Variants in TGFBR2 observed in about 807,000 individuals in gnomAD.
The protein encoded by TGFBR2 is transforming growth factor beta receptor 2.
Under a neutral mutation model 49.0 loss-of-function variants are expected in TGFBR2, and 18 were observed. That is an observed-to-expected ratio of 0.37 (90% CI 0.25 to 0.54). The LOEUF (loss-of-function observed/expected upper bound fraction) is 0.54. Among genes scored for constraint, TGFBR2 ranks in the 20% least tolerant of loss-of-function variants. The probability of loss-of-function intolerance (pLI) is 0.85; values close to 1 mark genes in which losing one functional copy is unlikely to be tolerated. For missense variants in TGFBR2, 525 were observed against 722.6 expected (o/e 0.73, Z 3.13); for synonymous variants, 282 against 275.9 (o/e 1.02, Z -0.22).
At chr3:30,636,931 T>G (rs1205474038) in intron 1 of TGFBR2, among the ~76,000 whole-genome samples, 2 of 151,706 alleles carry the variant, frequency 1.3e-5, no homozygotes, top group Non-Finnish European at 2.9e-5. Flanking sequence ...AAGCGTGGTG[T>G]TGGGCACCTG....
intron 1 of TGFBR2, among the ~76,000 whole-genome samples, chr3:30,643,072 G>T (rs961103529): frequency 3.9e-5 from 6 of 152,144 alleles, no homozygotes; most frequent in Non-Finnish European, 8.8e-5. Flanking sequence ...GGAAACAGGT[G>T]CTATGCCCAA....
intron 1 of TGFBR2, among the ~76,000 whole-genome samples, chr3:30,617,759 C>T (rs78788495): frequency 0.019 from 2,917 of 152,198 alleles, 88 homozygotes; most frequent in African/African-American, 0.066. Flanking sequence ...AATACCTTGC[C>T]GCTTACAGGA....
chr3:30,648,153 G>T (rs1698803324), intron 2 of TGFBR2, among the ~76,000 whole-genome samples: 2 of 152,156 alleles, frequency 1.3e-5, no homozygotes, highest in Non-Finnish European at 2.9e-5. Flanking sequence ...GTGCCTGGCT[G>T]TTACAGGAGT....
chr3:30,643,565 C>T (rs1232345536), intron 1 of TGFBR2, among the ~76,000 whole-genome samples: 1 of 152,196 alleles, frequency 6.6e-6, no homozygotes, highest in Non-Finnish European at 1.5e-5. Flanking sequence ...TCACATTCCT[C>T]TCTAATCTGA....
chr3:30,634,023 A>G (rs1698484081), intron 1 of TGFBR2, among the ~76,000 whole-genome samples: 2 of 152,164 alleles, frequency 1.3e-5, no homozygotes, highest in Non-Finnish European at 2.9e-5. Flanking sequence ...TTTGACCAAT[A>G]TTTTCACATG....
chr3:30,619,909 C>T (rs1698196140), intron 1 of TGFBR2, among the ~76,000 whole-genome samples: 1 of 152,068 alleles, frequency 6.6e-6, no homozygotes, highest in Non-Finnish European at 1.5e-5. Context: ...TTTTACTAGC[C>T]AGGCGTGGTG....
chr3:30,651,654 A>G (rs1698889284), intron 3 of TGFBR2, among the ~76,000 whole-genome samples: 1 of 152,232 alleles, frequency 6.6e-6, no homozygotes, highest in Non-Finnish European at 1.5e-5. Context: ...GCTACATTGA[A>G]TATCTTTGTA....
intron 5 of TGFBR2, among the ~76,000 whole-genome samples, chr3:30,680,997 C>G (rs552422709): frequency 6.6e-6 from 1 of 151,986 alleles, no homozygotes; most frequent in Non-Finnish European, 1.5e-5. Context: ...TCATCCCCAG[C>G]CAAACTGGCC....
At chr3:30,677,459 A>G (rs150770229) in intron 5 of TGFBR2, among the ~76,000 whole-genome samples, 61 of 152,308 alleles carry the variant, frequency 4.0e-4, no homozygotes, top group African/African-American at 1.4e-3. Context: ...GGCTGCAGAC[A>G]CCAAGGTTAT....
At chr3:30,666,555 C>T (rs1347935694) in intron 3 of TGFBR2, among the ~76,000 whole-genome samples, 2 of 152,026 alleles carry the variant, frequency 1.3e-5, no homozygotes, top group Non-Finnish European at 2.9e-5. Context: ...TCACTTAGTC[C>T]AGGCTACACT....
intron 1 of TGFBR2, among the ~76,000 whole-genome samples, chr3:30,615,401 C>T (rs1188904977): frequency 6.6e-6 from 1 of 152,124 alleles, no homozygotes; most frequent in Non-Finnish European, 1.5e-5. Flanking sequence ...TAAAAGAAAC[C>T]TGATAAAAGT....
chr3:30,630,084 A>C lies in TGFBR2; in HGVS notation c.95-14663A>C, dbSNP rs553426846. ...CATTTTTACACTGGACATCACAAGA[A>C]ATTGAGCGAGTTCACAACTCCACTG... is the stretch of plus-strand genomic sequence containing the variant. On this transcript the variant is annotated intron_variant, in intron 1 of 6. Coordinates refer to ENST00000295754, the MANE Select transcript of TGFBR2 (RefSeq NM_003242.6). 3.9e-5 allele frequency among the ~76,000 whole-genome samples: 6 copies of C among 152,316 alleles called. No homozygotes were observed. In the South Asian group the frequency reaches 1.2e-3, roughly 32 times the overall value.
intron 5 of TGFBR2, among the ~76,000 whole-genome samples, chr3:30,684,136 G>A (rs1164842345): frequency 2.6e-5 from 4 of 152,146 alleles, no homozygotes; most frequent in Admixed American, 1.3e-4. Flanking sequence ...TTGCCTTAAT[G>A]GCCATAGTAG....
intron 1 of TGFBR2, among the ~76,000 whole-genome samples, chr3:30,643,339 A>T (rs974262990): frequency 1.3e-5 from 2 of 152,182 alleles, no homozygotes; most frequent in African/African-American, 4.8e-5. Flanking sequence ...GTATTAATTC[A>T]TGTTTGCTGG....
At chr3:30,622,948 G>A (rs1698260925) in intron 1 of TGFBR2, among the ~76,000 whole-genome samples, 1 of 149,004 alleles carries the variant, frequency 6.7e-6, no homozygotes, top group East Asian at 2.0e-4. Context: ...CTAGTACCAG[G>A]AAAACAGAAA....
chr3:30,609,528 A>G (rs1483799321), intron 1 of TGFBR2, among the ~76,000 whole-genome samples: 2 of 152,180 alleles, frequency 1.3e-5, no homozygotes, highest in African/African-American at 2.4e-5. Context: ...AAGAAATAGA[A>G]AGTTTTTTTT....
In TGFBR2 at chr3:30,663,978, T is replaced by TG. The variant is rs1553629168; in HGVS notation, c.455-7651dup. Among the ~76,000 whole-genome samples the TG allele has an allele frequency of 9.6e-4, 71 of 73,612 alleles. No individual in the cohort carries two copies. In the East Asian group the frequency reaches 0.021, roughly 22 times the overall value. 48.3% of individuals were successfully genotyped at this position (73,612 alleles called of 152,430 possible). On this transcript the variant is annotated intron_variant, in intron 3 of 6. Coordinates refer to ENST00000295754, the MANE Select transcript of TGFBR2 (RefSeq NM_003242.6). ...AAGAGGAAGAGAGGGCTAACTTTTT[T>TG]GGGGGGGGGAGTTGGGGGGGCAGGG...
intron 1 of TGFBR2, among the ~76,000 whole-genome samples, chr3:30,632,192 C>G (rs1475328588): frequency 1.3e-5 from 2 of 152,178 alleles, no homozygotes; most frequent in African/African-American, 2.4e-5. Context: ...ATTCCACAAT[C>G]TTAAGACACA....
At chr3:30,642,687 G>T (rs1488286576) in intron 1 of TGFBR2, among the ~76,000 whole-genome samples, 1 of 152,136 alleles carries the variant, frequency 6.6e-6, no homozygotes, top group African/African-American at 2.4e-5. Context: ...AAATACGTAT[G>T]TATGAAATAA....
Sources: allele counts gnomAD v4.1 joint callset (sites outside exome capture counted in the v4.1 genomes callset), GRCh38; gene constraint gnomAD v4.1.1; transcripts MANE v1.5; gene names NCBI Gene and HGNC (gene_info 2026-07-23, HGNC 2026-07-21).